TWSG1: variants seen among roughly 807,000 people sequenced by gnomAD.
TWSG1 encodes the protein twisted gastrulation protein homolog 1.
Under a neutral mutation model 23.0 loss-of-function variants are expected in TWSG1, and 15 were observed. That is an observed-to-expected ratio of 0.65 (90% CI 0.44 to 1.00). The LOEUF is 1.00. Ranked by LOEUF, TWSG1 falls within the 50% of genes least tolerant of loss-of-function variation. TWSG1 has a pLI of 0.00. For missense variants in TWSG1, 242 were observed against 278.7 expected (o/e 0.87, Z 0.94); for synonymous variants, 86 against 92.8 (o/e 0.93, Z 0.42).
intron 3 of TWSG1, among the ~76,000 whole-genome samples, chr18:9,364,615 G>T (rs1022785141): frequency 6.6e-6 from 1 of 151,864 alleles, no homozygotes; most frequent in Non-Finnish European, 1.5e-5. Context: ...CCAACATGAC[G>T]AAATCCCGTC....
intron 3 of TWSG1, among the ~76,000 whole-genome samples, chr18:9,376,582 C>T (rs961709405): frequency 4.6e-5 from 7 of 152,154 alleles, no homozygotes; most frequent in Non-Finnish European, 1.0e-4. Flanking sequence ...TGGCTCACGC[C>T]TGTAATCTCA....
At chr18:9,363,985 C>T (rs1406109879) in intron 3 of TWSG1, among the ~76,000 whole-genome samples, 1 of 152,190 alleles carries the variant, frequency 6.6e-6, no homozygotes, top group Non-Finnish European at 1.5e-5. Context: ...TTAGATTTCA[C>T]TGATTGACTA....
intron 4 of TWSG1, 185 bp downstream of exon 4, chr18:9,396,731 A>G: frequency 3.5e-6 from 2 of 577,418 alleles, no homozygotes; most frequent in Non-Finnish European, 2.5e-6. Context: ...CCAGAAGGAT[A>G]AGAGAAAAAA....
rs1434364058 is a variant in TWSG1, at chr18:9,401,519, G to A, written c.*1992G>A. On this transcript the variant is annotated 3_prime_UTR_variant, in exon 5 of 5. Coordinates refer to ENST00000262120, the MANE Select transcript of TWSG1 (RefSeq NM_020648.6). ...TATCTGTTTCCCACCCCCTACATTA[G>A]GAGGATAATTTCTTAAACCACATTG... 6.6e-6 allele frequency: 1 copy of A among 151,960 alleles called. No individual in the cohort carries two copies. The highest frequency in any genetic ancestry group is 1.5e-5 in the Non-Finnish European group (1 of 67,976). The allele number at this position is 151,960 out of a possible 1,614,324, so 9.4% of individuals were successfully genotyped here. A position where few individuals can be genotyped will look rare whatever the true frequency, so the allele number is the denominator to read the frequency against.
intron 3 of TWSG1, among the ~76,000 whole-genome samples, chr18:9,393,944 C>T (rs943781291): frequency 3.1e-4 from 47 of 152,002 alleles, no homozygotes; most frequent in Non-Finnish European, 5.4e-4. Flanking sequence ...TTATATTTTC[C>T]CTCACCCAGA....
intron 2 of TWSG1, among the ~76,000 whole-genome samples, chr18:9,345,712 A>G (rs1325087901): frequency 6.6e-6 from 1 of 152,130 alleles, no homozygotes; most frequent in African/African-American, 2.4e-5. Context: ...GTACTTTTTC[A>G]AGATTGCTTA....
chr18:9,374,685 C>T (rs755513721), intron 3 of TWSG1, among the ~76,000 whole-genome samples: 17 of 152,204 alleles, frequency 1.1e-4, no homozygotes, highest in Non-Finnish European at 1.5e-4. Context: ...GTGAGGTTAG[C>T]ATTGTCCTAA....
chr18:9,350,844 G>C (rs2040498935), intron 2 of TWSG1, among the ~76,000 whole-genome samples: 1 of 152,096 alleles, frequency 6.6e-6, no homozygotes, highest in African/African-American at 2.4e-5. Context: ...CCTCCTTAAA[G>C]AGTATTATGG....
At chr18:9,374,302 A>G (rs931298805) in intron 3 of TWSG1, among the ~76,000 whole-genome samples, 3 of 152,192 alleles carry the variant, frequency 2.0e-5, no homozygotes, top group Admixed American at 1.3e-4. Flanking sequence ...TAGGTTAAGA[A>G]AAAGAGAGGA....
chr18:9,344,216 C>T (rs1222438394), intron 2 of TWSG1, among the ~76,000 whole-genome samples: 2 of 152,102 alleles, frequency 1.3e-5, no homozygotes, highest in Non-Finnish European at 2.9e-5. Flanking sequence ...CTGGATGTAT[C>T]TCTTAATTTT....
rs1598819646 is a variant in TWSG1, at chr18:9,341,837, C to CTTAA, written c.123+4486_123+4487insTAAT. ...TTTTTTTTTTTAGCAATGAGACAGA[C>CTTAA]TATAAGTGAGTTTTAAGAACAGTGC... On this transcript the variant is annotated intron_variant, in intron 2 of 4. Transcript: ENST00000262120. Among the ~76,000 whole-genome samples, 3 of 150,692 alleles carry CTTAA rather than the reference C, an allele frequency of 2.0e-5. No homozygotes were observed. In the East Asian group the frequency reaches 5.8e-4, roughly 29 times the overall value.
intron 2 of TWSG1, among the ~76,000 whole-genome samples, chr18:9,339,725 C>T (rs957950436): frequency 6.6e-6 from 1 of 152,076 alleles, no homozygotes; most frequent in Non-Finnish European, 1.5e-5. Context: ...ATCACTTGAA[C>T]CCAGGAGGCG....
At chr18:9,383,196 T>G (rs200227434) in intron 3 of TWSG1, among the ~76,000 whole-genome samples, 23 of 3,966 alleles carry the variant, frequency 5.8e-3, no homozygotes, top group Non-Finnish European at 0.039. Context: ...TTTTTTTTGT[T>G]TTTTTTTTTT....
intron 3 of TWSG1, among the ~76,000 whole-genome samples, chr18:9,389,046 G>A (rs1005371531): frequency 6.6e-6 from 1 of 151,770 alleles, no homozygotes; most frequent in Admixed American, 6.6e-5. Context: ...GTGCAATCTT[G>A]GCTCACCGCA....
At chr18:9,374,941 C>G (rs6506657) in intron 3 of TWSG1, among the ~76,000 whole-genome samples, 150,374 of 152,324 alleles carry the variant, frequency 0.99, 74,270 homozygotes, top group Middle Eastern at 1. Flanking sequence ...GCCAAGGCGG[C>G]CAGATCACGA....
At position 9,340,770 on chromosome 18, in the gene TWSG1, A is replaced by G. The variant is rs184613053; in HGVS notation, c.123+3418A>G. Among the ~76,000 whole-genome samples, 39 of 152,356 alleles carry G rather than the reference A, an allele frequency of 2.6e-4. 1 individual carries two copies. The highest frequency in any genetic ancestry group is 1.4e-3 in the Admixed American group (21 of 15,312). ...TTCTGCGATGATGGAAAAGATCTAC[A>G]TCTACCCTGTGCAATACAGTAGAAT... On this transcript the variant is annotated intron_variant, in intron 2 of 4. Transcript: ENST00000262120.
At chr18:9,396,701 A>C (rs1305714646) in intron 4 of TWSG1, 155 bp downstream of exon 4, 4 of 925,816 alleles carry the variant, frequency 4.3e-6, no homozygotes, top group Non-Finnish European at 4.7e-6. Context: ...CCCTGATCCC[A>C]TCATATCTAG....
intron 2 of TWSG1, among the ~76,000 whole-genome samples, chr18:9,342,277 A>G (rs528273615): frequency 6.0e-4 from 91 of 152,356 alleles, no homozygotes; most frequent in African/African-American, 1.7e-3. Context: ...AAGCAGGGAT[A>G]ATAACCATAC....
intron 2 of TWSG1, among the ~76,000 whole-genome samples, chr18:9,352,997 G>A (rs1017144897): frequency 1.3e-5 from 2 of 152,160 alleles, no homozygotes; most frequent in African/African-American, 4.8e-5. Context: ...TTATAATACT[G>A]TATTTTTATT....
Sources: allele counts gnomAD v4.1 joint callset (sites outside exome capture counted in the v4.1 genomes callset), GRCh38; gene constraint gnomAD v4.1.1; transcripts MANE v1.5; gene names NCBI Gene and HGNC (gene_info 2026-07-23, HGNC 2026-07-21).